USP42: variants seen among roughly 807,000 people sequenced by gnomAD.
USP42 encodes ubiquitin specific peptidase 42.
Under a neutral mutation model 113.0 loss-of-function variants are expected in USP42, and 23 were observed. The observed-to-expected ratio is 0.20, with a 90% CI of 0.15 to 0.29. The LOEUF (loss-of-function observed/expected upper bound fraction) is 0.29. Among genes scored for constraint, USP42 ranks in the 10% least tolerant of loss-of-function variants. The pLI is 1.00. For missense variants in USP42, 2,174 were observed against 1,779.8 expected (o/e 1.22, Z -3.99); for synonymous variants, 933 against 699.0 (o/e 1.33, Z -5.28).
At chr7:6,120,308 T>C (rs1246917233) in intron 3 of USP42, among the ~76,000 whole-genome samples, 2 of 152,072 alleles carry the variant, frequency 1.3e-5, no homozygotes, top group African/African-American at 4.8e-5. Context: ...AGTGCCACTA[T>C]CTCCACTCAC....
chr7:6,124,124 C>T (rs1393185637), intron 3 of USP42, among the ~76,000 whole-genome samples: 1 of 152,000 alleles, frequency 6.6e-6, no homozygotes, highest in Non-Finnish European at 1.5e-5. Flanking sequence ...CATCTGCCTG[C>T]CTCAGTCTCC....
At chr7:6,094,396 C>T in the USP42 span, among the ~76,000 whole-genome samples, 1 of 150,910 alleles carries the variant, frequency 6.6e-6, no homozygotes, top group South Asian at 2.1e-4. Context: ...GTCTTGAACT[C>T]TTAGCCTCAA....
chr7:6,148,127 C>T (rs1306286479), intron 12 of USP42, among the ~76,000 whole-genome samples: 2 of 152,170 alleles, frequency 1.3e-5, no homozygotes, highest in Non-Finnish European at 2.9e-5. Context: ...CATTTGAGCT[C>T]AGTTGTTTGA....
In USP42 at chr7:6,125,579, A is replaced by G. The variant is rs141313034; in HGVS notation, c.442+10056A>G. On this transcript the variant is annotated intron_variant, in intron 3 of 17. Coordinates refer to ENST00000306177, the MANE Select transcript of USP42 (RefSeq NM_032172.3). ...ATCTTTCCTTTCCCATCTTTGTGCT[A>G]TTGTTGTCATGCGTTGTTGTATTAT... Among the ~76,000 whole-genome samples, 16 of 152,238 alleles carry G rather than the reference A, an allele frequency of 1.1e-4. No individual in the cohort carries two copies. The South Asian group carries it at 2.5e-3, about 24-fold the overall frequency.
chr7:6,127,072 C>T (rs367590927), intron 3 of USP42, among the ~76,000 whole-genome samples: 1 of 152,198 alleles, frequency 6.6e-6, no homozygotes, highest in East Asian at 1.9e-4. Flanking sequence ...TTGCATTTCC[C>T]TAATGCTTAA....
rs768130585 is a variant in USP42 at position 6,157,648 on chromosome 7, A to G, written c.3943+593A>G. On this transcript the variant is annotated intron_variant, in intron 16 of 17. Coordinates refer to ENST00000306177, the MANE Select transcript of USP42 (RefSeq NM_032172.3). This position sits in a 1 kb window ranked among gnomAD's most constrained non-coding sequence, Gnocchi z 4.1. ...CTCTTGGTTTTAAAGCATTTTTGATAGAAATACTTTTGCAGCGTATACGTT... is the reference window on the plus strand; with the variant it reads ...CTCTTGGTTTTAAAGCATTTTTGATGGAAATACTTTTGCAGCGTATACGTT... Among the ~76,000 whole-genome samples the G allele has an allele frequency of 3.9e-5, 6 of 152,186 alleles. No individual in the cohort carries two copies. The highest frequency in any genetic ancestry group is 7.3e-5 in the Non-Finnish European group (5 of 68,040).
intron 5 of USP42, 119 bp from the exon 6 acceptor site, chr7:6,140,009 C>A: frequency 1.0e-6 from 1 of 969,286 alleles, no homozygotes; most frequent in Non-Finnish European, 1.7e-6. Context: ...TTTTATTTTC[C>A]ATGGCTGTCC....
the USP42 span, chr7:6,085,107 C>G: frequency 6.7e-6 from 1 of 149,930 alleles, no homozygotes; most frequent in Non-Finnish European, 1.5e-5. Flanking sequence ...TTAGCCATTC[C>G]TATTTATTTA....
At position 6,154,113 on chromosome 7, in the gene USP42, A is replaced by G. The variant is rs2128521340; in HGVS notation, c.2559A>G (p.Glu853=). The G allele has an allele frequency of 1.9e-6, 3 of 1,603,822 alleles. No individual in the cohort carries two copies. The highest frequency in any genetic ancestry group is 2.5e-6 in the Non-Finnish European group (3 of 1,177,908). ...ACTCGGCGTTGGCGGAAGCCCCGGAAGGGTTGAGTCCGGCTCCGCCTGCGC... is the reference window on the plus strand; with the variant it reads ...ACTCGGCGTTGGCGGAAGCCCCGGAGGGGTTGAGTCCGGCTCCGCCTGCGC... ...PRDSALAEAP[E]GLSPAPPARS... Residue 853 remains glutamate, a synonymous_variant, in exon 15 of 18, where the codon GAA becomes GAG. Coordinates refer to ENST00000306177, the MANE Select transcript of USP42 (RefSeq NM_032172.3).
intron 3 of USP42, among the ~76,000 whole-genome samples, chr7:6,134,441 A>G (rs1781020095): frequency 6.6e-6 from 1 of 152,134 alleles, no homozygotes; most frequent in Non-Finnish European, 1.5e-5. Flanking sequence ...TCTTTAAAAA[A>G]TATTTTTGAG....
At position 6,146,159 on chromosome 7, in the gene USP42, C is replaced by T. The variant is rs1416235254; in HGVS notation, c.1143C>T (p.Gly381=). Reference sequence around the variant, plus strand: ...GCTCTCATTTATAGGCTAGCAATGGCCTCTGGTATCAAATGAATGACTCCA... The same window carrying T: ...GCTCTCATTTATAGGCTAGCAATGGTCTCTGGTATCAAATGAATGACTCCA... ...HYFCYIKASN[G]LWYQMNDSIV... Residue 381 remains glycine, a synonymous_variant, in exon 11 of 18, where the codon GGC becomes GGT. Coordinates refer to ENST00000306177, the MANE Select transcript of USP42 (RefSeq NM_032172.3). 2 of 1,592,494 alleles carry T rather than the reference C, an allele frequency of 1.3e-6. No homozygotes were observed. Among genetic ancestry groups the T allele is most frequent in the Non-Finnish European group, 8.6e-7 (1 of 1,169,144 alleles).
intron 8 of USP42, among the ~76,000 whole-genome samples, chr7:6,143,731 G>T (rs1376283766): frequency 2.0e-5 from 3 of 151,866 alleles, no homozygotes; most frequent in African/African-American, 7.3e-5. Flanking sequence ...TAAATTAGAT[G>T]AATTTAAGAC....
Position 6,153,850 on chromosome 7 carries a change from G to A in USP42, c.2296G>A (p.Ala766Thr). 2 of 1,547,968 alleles carry A rather than the reference G, an allele frequency of 1.3e-6. No homozygotes were observed. The highest frequency in any genetic ancestry group is 1.7e-6 in the Non-Finnish European group (2 of 1,146,866). ...CGAATCCCTGGAGGAGCCAGATGCG[G>A]CCGCCGGCCTCAGCAGCACCAAGAA... The part of the protein sequence containing the change: ...AAESLEEPDA[A>T]AGLSSTKKAP... Residue 766 changes from alanine to threonine, a missense_variant, in exon 15 of 18, where the codon GCC (alanine) becomes ACC (threonine). Physicochemically the swap from Ala to Thr is moderately conservative, Grantham distance 58 (BLOSUM62 0). Coordinates refer to ENST00000306177, the MANE Select transcript of USP42 (RefSeq NM_032172.3).
Position 6,156,824 on chromosome 7 carries a change from A to G in USP42, c.3712A>G (p.Lys1238Glu), listed in dbSNP as rs1243974661. The G allele has an allele frequency of 6.2e-7, 1 of 1,608,226 alleles. No homozygotes were observed. Residue 1238 changes from lysine (K) to glutamate (E), a missense_variant, in exon 16 of 18, where the codon AAG becomes GAG. Lys to Glu is a moderately conservative substitution (Grantham distance 56). Transcript: ENST00000306177. ...ADLHRHKKKK[K>E]KKKRHSRKSE... ...CCTCCACAGACACAAAAAAAAGAAG[A>G]AGAAAAAGAAGAGACATTCAAGAAA...
rs1201794549 is a variant in USP42, at chr7:6,133,368, GTGT to G, written c.443-2462_443-2460del. ...TTGTCCCATAGCTTACTGGTATGCT[GTGT>G]TGTTGTTGTTATTTTGAGATTTTCT... On this transcript the variant is annotated intron_variant, in intron 3 of 17. Coordinates refer to ENST00000306177, the MANE Select transcript of USP42 (RefSeq NM_032172.3). Among the ~76,000 whole-genome samples, 5 of 152,244 alleles carry G rather than the reference GTGT, an allele frequency of 3.3e-5. No individual in the cohort carries two copies. In the East Asian group the frequency reaches 5.8e-4, roughly 18 times the overall value.
chr7:6,146,216 C>G lies in USP42; in HGVS notation c.1200C>G (p.Leu400=). The G allele has an allele frequency of 6.2e-7, 1 of 1,601,924 alleles. No homozygotes were observed. The highest frequency in any genetic ancestry group is 8.5e-7 in the Non-Finnish European group (1 of 1,175,156). Residue 400 remains leucine (L), a synonymous_variant, in exon 11 of 18, where the codon CTC becomes CTG. Coordinates refer to ENST00000306177, the MANE Select transcript of USP42 (RefSeq NM_032172.3). ...CTACCAGTGATATTAGATCGGTACTCAGCCAACAAGCCTATGTGCTCTTTT... is the reference window on the plus strand; with the variant it reads ...CTACCAGTGATATTAGATCGGTACTGAGCCAACAAGCCTATGTGCTCTTTT... ...IVSTSDIRSV[L]SQQAYVLFYI...
At chr7:6,092,054 T>C in the USP42 span, among the ~76,000 whole-genome samples, 13 of 37,904 alleles carry the variant, frequency 3.4e-4, no homozygotes, top group African/African-American at 8.1e-4. Context: ...CTTCTTCTTC[T>C]TTCTTCTTCT....
In USP42 at chr7:6,149,623, C is replaced by A. The variant is rs572359845; in HGVS notation, c.1427C>A (p.Thr476Lys). The stretch of plus-strand genomic sequence containing the variant: ...AATGGGACTGGACCATTGAAAGACA[C>A]GCCAAGCAGTTCCATGTCGAGTCCT... ...HLNGTGPLKD[T>K]PSSSMSSPNG... Residue 476 changes from threonine (T) to lysine (K), a missense_variant, in exon 13 of 18, where the codon ACG (threonine) becomes AAG (lysine). Coordinates refer to ENST00000306177, the MANE Select transcript of USP42 (RefSeq NM_032172.3). The A allele has an allele frequency of 1.2e-6, 2 of 1,613,914 alleles. No homozygotes were observed. Among genetic ancestry groups the A allele is most frequent in the Non-Finnish European group, 1.7e-6 (2 of 1,179,860 alleles).
In USP42 at chr7:6,150,543, A is replaced by G. The variant is rs780417412; in HGVS notation, c.2201+37A>G. 4.4e-6 allele frequency: 7 copies of G among 1,578,322 alleles called. No homozygotes were observed. In the African/African-American group the frequency reaches 5.4e-5, roughly 12 times the overall value. ...GTACATCTGAGGCACGTGTGGCAGC[A>G]TAGTAGGAAATCCAGTAGCCTCCAG... On this transcript the variant is annotated intron_variant, in intron 14 of 17. Transcript: ENST00000306177.
Sources: gnomAD v4.1 joint callset for allele counts (sites outside exome capture counted in the v4.1 genomes callset) on GRCh38, gnomAD v4.1.1 for gene constraint, Gnocchi (gnomAD v3.1) non-coding constraint, MANE v1.5 for transcripts, NCBI Gene and HGNC (gene_info 2026-07-23, HGNC 2026-07-21) for gene names.